The following CLPTM1L variants were observed in gnomAD, a reference collection of about 807,000 sequenced individuals.
CLPTM1L encodes the protein lipid scramblase CLPTM1L.
A neutral mutation model predicts 70.9 loss-of-function variants in CLPTM1L; 38 were observed. The observed-to-expected ratio is 0.54, with a 90% CI of 0.41 to 0.70. The LOEUF (loss-of-function observed/expected upper bound fraction) is 0.70, where lower values mean the gene tolerates loss of function less well. Ranked by LOEUF, CLPTM1L falls within the 30% of genes least tolerant of loss-of-function variation. The pLI is 0.00. For synonymous variants in CLPTM1L, 339 were observed against 299.9 expected, an observed-to-expected ratio of 1.13 and a Z score of -1.35; for missense variants, 652 against 705.9, an observed-to-expected ratio of 0.92 and a Z score of 0.87.
intron 6 of CLPTM1L, among the ~76,000 whole-genome samples, chr5:1,334,796 CTCA>C (rs1753455316): frequency 6.6e-6 from 1 of 151,556 alleles, no homozygotes; most frequent in Non-Finnish European, 1.5e-5. Context: ...AAAAATAAAT[CTCA>C]TCAACAGTTA....
At chr5:1,334,908 G>C (rs1439045358) in intron 6 of CLPTM1L, 149 bp downstream of exon 6, 1 of 607,150 alleles carries the variant, frequency 1.6e-6, no homozygotes, top group African/African-American at 1.8e-5. Context: ...AGAGAAGTGA[G>C]GCAGGCGCTG....
chr5:1,337,080 G>C (rs1561248893), intron 5 of CLPTM1L, among the ~76,000 whole-genome samples: 1 of 152,212 alleles, frequency 6.6e-6, no homozygotes, highest in Non-Finnish European at 1.5e-5. Flanking sequence ...GGGTGATCCG[G>C]AGTGACAGTG....
chr5:1,319,972 C>G (rs945407045), intron 16 of CLPTM1L, among the ~76,000 whole-genome samples: 1 of 152,238 alleles, frequency 6.6e-6, no homozygotes, highest in African/African-American at 2.4e-5. Flanking sequence ...CAGATGTCAG[C>G]CCTGGAGGGA....
chr5:1,335,035 G>A lies in CLPTM1L; in HGVS notation c.796+22C>T, dbSNP rs375939209. On this transcript the variant is annotated intron_variant, in intron 6 of 16. Coordinates refer to ENST00000320895, the MANE Select transcript of CLPTM1L (RefSeq NM_030782.5). Reference sequence around the variant, plus strand: ...GGCTCCAGGGCGGCCTCACCCAGGCGCCGGCCGTGTGCGGCACATACCGAA... The same window carrying A: ...GGCTCCAGGGCGGCCTCACCCAGGCACCGGCCGTGTGCGGCACATACCGAA... The A allele has an allele frequency of 1.3e-4, 213 of 1,594,858 alleles. No individual in the cohort carries two copies. In the African/African-American group the frequency reaches 1.8e-3, roughly 14 times the overall value.
chr5:1,327,101 C>T (rs531161060), intron 9 of CLPTM1L, among the ~76,000 whole-genome samples: 2 of 151,232 alleles, frequency 1.3e-5, no homozygotes, highest in African/African-American at 2.4e-5. Context: ...AGCTCCTCCT[C>T]GACAGACACA....
At chr5:1,343,021 T>C (rs1231315118) in intron 2 of CLPTM1L, among the ~76,000 whole-genome samples, 1 of 152,118 alleles carries the variant, frequency 6.6e-6, no homozygotes, top group African/African-American at 2.4e-5. Flanking sequence ...TGAAACCCTG[T>C]CTCTACTAAA....
chr5:1,340,239 G>C (rs1232590793), intron 3 of CLPTM1L, among the ~76,000 whole-genome samples: 2 of 152,260 alleles, frequency 1.3e-5, no homozygotes, highest in Non-Finnish European at 2.9e-5. Context: ...GACTGTGCAA[G>C]TCCAGGGCTC....
At chr5:1,331,491 C>T (rs73024263) in intron 8 of CLPTM1L, 6,248 of 463,076 alleles carry the variant, frequency 0.013, 338 homozygotes, top group African/African-American at 0.11. Context: ...CGGGAAGGCT[C>T]GAGAGGTCCA....
intron 2 of CLPTM1L, among the ~76,000 whole-genome samples, chr5:1,343,993 T>C (rs1313891133): frequency 6.6e-6 from 1 of 152,228 alleles, no homozygotes; most frequent in Non-Finnish European, 1.5e-5. Flanking sequence ...TTAAGCGAAC[T>C]ACTTCCACCA....
chr5:1,338,170 G>A (rs985685560), intron 4 of CLPTM1L, 188 bp from the exon 5 acceptor site: 17 of 611,684 alleles, frequency 2.8e-5, no homozygotes, highest in South Asian at 1.9e-4. Flanking sequence ...ACATATGCAC[G>A]CTTGTGAGAC....
chr5:1,344,455 G>A lies in CLPTM1L; in HGVS notation c.163-4C>T. ...TCGTCGTGGTGTACACGCTCAGCTGGAAAGGAGGGGGCGTCGAGAGTCAGC... is the reference window on the plus strand; with the variant it reads ...TCGTCGTGGTGTACACGCTCAGCTGAAAAGGAGGGGGCGTCGAGAGTCAGC... On this transcript the variant is annotated splice_region_variant and splice_polypyrimidine_tract_variant and intron_variant, in intron 1 of 16. Coordinates refer to ENST00000320895, the MANE Select transcript of CLPTM1L (RefSeq NM_030782.5). 2 of 1,611,974 alleles carry A rather than the reference G, an allele frequency of 1.2e-6. No individual in the cohort carries two copies. The highest frequency in any genetic ancestry group is 1.3e-5 in the African/African-American group (1 of 75,024).
chr5:1,326,999 C>G (rs1408385551), intron 9 of CLPTM1L, among the ~76,000 whole-genome samples: 1 of 151,368 alleles, frequency 6.6e-6, no homozygotes, highest in Non-Finnish European at 1.5e-5. Flanking sequence ...AGGGACATTT[C>G]ATCCAGCTCC....
intron 9 of CLPTM1L, among the ~76,000 whole-genome samples, chr5:1,327,429 T>TTTCATCCAGCTCCTCCTCTACAGACAC (rs1752677967): frequency 2.4e-5 from 1 of 41,870 alleles, no homozygotes; most frequent in Non-Finnish European, 5.2e-5. Context: ...TCTACAGACA[T>TTTCATCCAGCTCCTCCTCTACAGACAC]ATTTCATCCA....
chr5:1,338,950 C>T lies in CLPTM1L; in HGVS notation c.509G>A (p.Trp170Ter). Residue 170 changes from tryptophan to a stop codon, truncating the protein, a stop_gained, in exon 4 of 17, where the codon TGG (tryptophan) becomes TAG (stop). Transcript: ENST00000320895. LOFTEE classifies it high-confidence loss of function. ...TSALDEPVSH[W>*]RPRLALNVMA... is the part of the protein sequence containing the mutation. ...CACGTTCAGCGCCAGCCGCGGTCGCCAGTGGGACACTGGCTCATCCAGGGC... is the reference window on the plus strand; with the variant it reads ...CACGTTCAGCGCCAGCCGCGGTCGCTAGTGGGACACTGGCTCATCCAGGGC... 1 of 1,613,400 alleles carries T rather than the reference C, an allele frequency of 6.2e-7. No individual in the cohort carries two copies. The highest frequency in any genetic ancestry group is 8.5e-7 in the Non-Finnish European group (1 of 1,180,044).
chr5:1,342,876 A>G lies in CLPTM1L; in HGVS notation c.264-1016T>C, dbSNP rs375972417. On this transcript the variant is annotated intron_variant, in intron 2 of 16. Coordinates refer to ENST00000320895, the MANE Select transcript of CLPTM1L (RefSeq NM_030782.5). The surrounding 1 kb of genome is among the most constrained non-coding windows in gnomAD (Gnocchi z 4.3). ...ACTGCTGGGATTATAGGCATGAGTC[A>G]CTGTGCCCGGCCTCTCCTTAAAAAT... Among the ~76,000 whole-genome samples, 3 of 152,220 alleles carry G rather than the reference A, an allele frequency of 2.0e-5. No individual in the cohort carries two copies. Among genetic ancestry groups the G allele is most frequent in the African/African-American group, 7.2e-5 (3 of 41,470 alleles).
chr5:1,344,261 A>C, intron 2 of CLPTM1L, 90 bp downstream of exon 2: 1 of 883,100 alleles, frequency 1.1e-6, no homozygotes, highest in Non-Finnish European at 1.9e-6. Flanking sequence ...TCTCTAAAAT[A>C]AACATGTTAT....
In CLPTM1L at chr5:1,342,333, G is replaced by A. The variant is rs1489429272; in HGVS notation, c.264-473C>T. 6.6e-6 allele frequency among the ~76,000 whole-genome samples: 1 copy of A among 152,128 alleles called. No individual in the cohort carries two copies. The highest frequency in any genetic ancestry group is 1.9e-4 in the East Asian group (1 of 5,196). On this transcript the variant is annotated intron_variant, in intron 2 of 16. Transcript: ENST00000320895. The surrounding 1 kb of genome is among the most constrained non-coding windows in gnomAD (Gnocchi z 4.3). ...TACTGGAACCTCAGAAATTTAATGTGGGTAGTTTTTTTGGGTGTTGTAGTT... is the reference window on the plus strand; with the variant it reads ...TACTGGAACCTCAGAAATTTAATGTAGGTAGTTTTTTTGGGTGTTGTAGTT...
intron 7 of CLPTM1L, among the ~76,000 whole-genome samples, chr5:1,332,896 A>G (rs1480022754): frequency 6.6e-6 from 1 of 152,254 alleles, no homozygotes; most frequent in Non-Finnish European, 1.5e-5. Context: ...CCCCCTGAGG[A>G]TGAGGGACTA....
At chr5:1,335,423 T>C (rs1338899433) in intron 5 of CLPTM1L, among the ~76,000 whole-genome samples, 1 of 152,196 alleles carries the variant, frequency 6.6e-6, no homozygotes, top group Non-Finnish European at 1.5e-5. Context: ...GCGCTAGCAG[T>C]GCCTGGTCTG....
Sources: allele counts gnomAD v4.1 joint callset (sites outside exome capture counted in the v4.1 genomes callset), GRCh38; gene constraint gnomAD v4.1.1; non-coding constraint Gnocchi (gnomAD v3.1); transcripts MANE v1.5; gene names NCBI Gene and HGNC (gene_info 2026-07-23, HGNC 2026-07-21).